The following BAZ1A variants were observed in gnomAD, a reference collection of about 807,000 sequenced individuals.
BAZ1A encodes the protein bromodomain adjacent to zinc finger domain 1A.
Under a neutral mutation model 185.2 loss-of-function variants are expected in BAZ1A, and 50 were observed. The observed-to-expected ratio is 0.27, with a 90% CI of 0.22 to 0.34. The LOEUF (loss-of-function observed/expected upper bound fraction) is 0.34. Ranked by LOEUF, BAZ1A falls within the 10% of genes least tolerant of loss-of-function variation. The pLI is 1.00. For missense variants in BAZ1A, 1,356 were observed against 1,839.9 expected, an observed-to-expected ratio of 0.74 and a Z score of 4.81; for synonymous variants, 571 against 615.6, an observed-to-expected ratio of 0.93 and a Z score of 1.07.
chr14:34,780,622 G>A (rs945938505), intron 16 of BAZ1A, among the ~76,000 whole-genome samples: 1 of 152,170 alleles, frequency 6.6e-6, no homozygotes, highest in African/African-American at 2.4e-5. Context: ...AGATGGGGAG[G>A]AGTGTGTGCT....
At chr14:34,861,360 C>A (rs930092013) in intron 3 of BAZ1A, among the ~76,000 whole-genome samples, 1 of 152,072 alleles carries the variant, frequency 6.6e-6, no homozygotes, top group Non-Finnish European at 1.5e-5. Flanking sequence ...ATATAAAAAT[C>A]CACTTTATTT....
At position 34,753,705 on chromosome 14, in the gene BAZ1A, C is replaced by A; in HGVS notation, c.4475-1G>T. The A allele has an allele frequency of 6.4e-7, 1 of 1,559,180 alleles. No individual in the cohort carries two copies. Among genetic ancestry groups the A allele is most frequent in the Non-Finnish European group, 8.7e-7 (1 of 1,144,968 alleles). ...AACTCAATGTCATCAATAAACTCAG[C>A]TAGAAAGGGAAAGAGACAAAAAGAT... On this transcript the variant is annotated splice_acceptor_variant, in intron 26 of 26. Coordinates refer to ENST00000360310, the MANE Select transcript of BAZ1A (RefSeq NM_013448.3). LOFTEE classifies it high-confidence loss of function.
intron 25 of BAZ1A, among the ~76,000 whole-genome samples, chr14:34,756,249 G>T (rs1314078465): frequency 3.3e-5 from 5 of 151,426 alleles, no homozygotes; most frequent in Non-Finnish European, 7.4e-5. Flanking sequence ...GAGTAGCTGG[G>T]ACTACAGGTG....
In BAZ1A at chr14:34,874,630, G is replaced by A; in HGVS notation, c.-26C>T. ...CTCCCGTCCGCCCGCGGGCTCGCCT[G>A]GACCCTCGGCCGCCCGCGCCGGCCC... On this transcript the variant is annotated 5_prime_UTR_variant, in exon 2 of 27. Transcript: ENST00000360310. The surrounding 1 kb of genome is among the most constrained non-coding windows in gnomAD (Gnocchi z 4.7). 1.3e-6 allele frequency: 2 copies of A among 1,578,370 alleles called. No individual in the cohort carries two copies. Among genetic ancestry groups the A allele is most frequent in the Non-Finnish European group, 1.7e-6 (2 of 1,158,446 alleles).
In BAZ1A at chr14:34,832,215, C is replaced by CATATATATATATATATATATATAT. The variant is rs796421959; in HGVS notation, c.393-6060_393-6059insATATATATATATATATATATATAT. 4.1e-3 allele frequency among the ~76,000 whole-genome samples: 363 copies of CATATATATATATATATATATATAT among 89,228 alleles called. 4 individuals carry two copies. Among genetic ancestry groups the CATATATATATATATATATATATAT allele is most frequent in the Non-Finnish European group, 6.2e-3 (261 of 42,404 alleles). 58.5% of individuals were successfully genotyped at this position (89,228 alleles called of 152,430 possible). On this transcript the variant is annotated intron_variant, in intron 3 of 26. Coordinates refer to ENST00000360310, the MANE Select transcript of BAZ1A (RefSeq NM_013448.3). The stretch of plus-strand genomic sequence containing the variant: ...ATACACACACACACACACACACACA[C>CATATATATATATATATATATATAT]ATATATATATATATATGTATGTATG...
chr14:34,759,053 T>C (rs544460591), intron 24 of BAZ1A, among the ~76,000 whole-genome samples: 19 of 152,140 alleles, frequency 1.2e-4, no homozygotes, highest in Middle Eastern at 6.8e-3. Context: ...AAATGTCCAA[T>C]TGCATTAAAC....
intron 12 of BAZ1A, among the ~76,000 whole-genome samples, chr14:34,790,446 T>C (rs1880772267): frequency 6.6e-6 from 1 of 152,176 alleles, no homozygotes; most frequent in South Asian, 2.1e-4. Context: ...CTCTGCCTCC[T>C]GGGTTCAAGG....
chr14:34,787,651 C>A lies in BAZ1A; in HGVS notation c.1511-1430G>T, dbSNP rs147402155. On this transcript the variant is annotated intron_variant, in intron 12 of 26. Coordinates refer to ENST00000360310, the MANE Select transcript of BAZ1A (RefSeq NM_013448.3). The stretch of plus-strand genomic sequence containing the variant: ...TGAGCCGAGATCACACCACTGCACT[C>A]CAGCCTGGGCGACAGAGTTAGACTC... Among the ~76,000 whole-genome samples, 3 of 152,260 alleles carry A rather than the reference C, an allele frequency of 2.0e-5. No homozygotes were observed. The East Asian group carries it at 5.8e-4, about 29-fold the overall frequency.
At chr14:34,860,463 G>C (rs145843013) in intron 3 of BAZ1A, among the ~76,000 whole-genome samples, 158 of 141,380 alleles carry the variant, frequency 1.1e-3, no homozygotes, top group African/African-American at 4.0e-3. Context: ...AGCTGAGATG[G>C]AGCCACTGCA....
chr14:34,838,785 A>T (rs2042367929), intron 3 of BAZ1A, among the ~76,000 whole-genome samples: 1 of 152,116 alleles, frequency 6.6e-6, no homozygotes, highest in Admixed American at 6.6e-5. Context: ...TCGGCCTCCC[A>T]AAGTGCTGGG....
chr14:34,812,104 G>A (rs764398012), intron 4 of BAZ1A, among the ~76,000 whole-genome samples: 1 of 152,064 alleles, frequency 6.6e-6, no homozygotes, highest in African/African-American at 2.4e-5. Context: ...AACAGGAGAA[G>A]TGATAAGTGC....
intron 24 of BAZ1A, among the ~76,000 whole-genome samples, chr14:34,759,458 C>A (rs1886431499): frequency 6.6e-6 from 1 of 152,102 alleles, no homozygotes. Flanking sequence ...CTCGGCCTCC[C>A]AAAATGCTGG....
At chr14:34,822,625 AC>A (rs1594875329) in intron 4 of BAZ1A, among the ~76,000 whole-genome samples, 1 of 152,188 alleles carries the variant, frequency 6.6e-6, no homozygotes, top group Non-Finnish European at 1.5e-5. Flanking sequence ...AAAAACAGAA[AC>A]AAAAAACAAA....
chr14:34,784,895 C>T lies in BAZ1A; in HGVS notation c.1831+882G>A, dbSNP rs145489570. Among the ~76,000 whole-genome samples the T allele has an allele frequency of 3.6e-4, 55 of 152,224 alleles. No individual in the cohort carries two copies. In the East Asian group the frequency reaches 8.3e-3, roughly 23 times the overall value. ...TATTTGAGACGGAGTCTTGCTGTGT[C>T]GCCCAGGCTGGAGTACAGTGGCACC... On this transcript the variant is annotated intron_variant, in intron 14 of 26. Coordinates refer to ENST00000360310, the MANE Select transcript of BAZ1A (RefSeq NM_013448.3).
chr14:34,850,476 T>C (rs945019753), intron 3 of BAZ1A, among the ~76,000 whole-genome samples: 1 of 152,210 alleles, frequency 6.6e-6, no homozygotes, highest in South Asian at 2.1e-4. Context: ...CTTAGGTCAA[T>C]AGGCTCTTGA....
rs1211464244 is a variant in BAZ1A at position 34,875,309 on chromosome 14, C to G, written c.-230G>C. Reference sequence around the variant, plus strand: ...GGGGAATTGCGTCCCACCGCCACTTCCCCGCCTCTCGGAGCTCCTGGGAAG... The same window carrying G: ...GGGGAATTGCGTCCCACCGCCACTTGCCCGCCTCTCGGAGCTCCTGGGAAG... On this transcript the variant is annotated 5_prime_UTR_variant, in exon 1 of 27. Transcript: ENST00000360310. The G allele has an allele frequency of 4.4e-6, 2 of 455,882 alleles. No homozygotes were observed. Among genetic ancestry groups the G allele is most frequent in the African/African-American group, 2.0e-5 (1 of 50,082 alleles). The allele number at this position is 455,882 out of a possible 1,614,324, so 28.2% of individuals were successfully genotyped here.
chr14:34,776,812 T>C (rs1309168509), intron 17 of BAZ1A, among the ~76,000 whole-genome samples: 1 of 152,158 alleles, frequency 6.6e-6, no homozygotes, highest in Admixed American at 6.5e-5. Flanking sequence ...TGTAAGGATA[T>C]AGCAAGAAGG....
At chr14:34,785,657 CT>C in intron 14 of BAZ1A, 119 bp downstream of exon 14, 1 of 744,692 alleles carries the variant, frequency 1.3e-6, no homozygotes, top group Non-Finnish European at 2.1e-6. Context: ...CAATAGTTTG[CT>C]TTCTCTTTTT....
chr14:34,790,682 C>G (rs1425854644), intron 12 of BAZ1A, among the ~76,000 whole-genome samples: 1 of 152,104 alleles, frequency 6.6e-6, no homozygotes, highest in Non-Finnish European at 1.5e-5. Context: ...AGACAGGGGT[C>G]TCACTATGTC....
Sources: allele counts gnomAD v4.1 joint callset (sites outside exome capture counted in the v4.1 genomes callset), GRCh38; gene constraint gnomAD v4.1.1; non-coding constraint Gnocchi (gnomAD v3.1); transcripts MANE v1.5; gene names NCBI Gene and HGNC (gene_info 2026-07-23, HGNC 2026-07-21).